Variants in NBPF11 observed in about 807,000 individuals in gnomAD.
The protein encoded by NBPF11 is NBPF member 11.
A neutral mutation model predicts 93.9 loss-of-function variants in NBPF11; 72 were observed. That is an observed-to-expected ratio of 0.77 (90% CI 0.63 to 0.93). The LOEUF is 0.93. NBPF11 is among the 40% of genes least tolerant of loss of function. The pLI, the probability that NBPF11 is intolerant of heterozygous loss-of-function variation, is 0.00. For synonymous variants in NBPF11, 224 were observed against 304.9 expected (o/e 0.73, Z 2.76); for missense variants, 705 against 802.2 (o/e 0.88, Z 1.46).
chr1:148,107,513 T>C (rs1399210049), intron 19 of NBPF11, among the ~76,000 whole-genome samples, 198 bp downstream of exon 19: 3 of 152,380 alleles, frequency 2.0e-5, no homozygotes, highest in Admixed American at 2.0e-4. Context: ...ATGGTCAACC[T>C]ATAGTAAGTT....
At position 148,126,887 on chromosome 1, in the gene NBPF11, T is replaced by C; in HGVS notation, c.117A>G (p.Lys39=). ...CCAGTTGAGTTAGAAAACATCTCTC[T>C]TTGAGGTTTCTGAACTGCTGTTTGT... ...AENKQQFRNL[K]ERCFLTQLAG... The change falls in exon 5 of 24, where the codon AAA becomes AAG. Residue 39 remains lysine, a synonymous_variant. Coordinates refer to ENST00000682118, the MANE Select transcript of NBPF11 (RefSeq NM_001385469.3). 6.9e-7 allele frequency: 1 copy of C among 1,457,610 alleles called. No individual in the cohort carries two copies. Among genetic ancestry groups the C allele is most frequent in the South Asian group, 1.1e-5 (1 of 87,302 alleles). 90.3% of individuals were successfully genotyped at this position (1,457,610 alleles called of 1,614,324 possible).
chr1:148,113,187 G>A (rs1327930906), intron 15 of NBPF11, among the ~76,000 whole-genome samples: 12 of 152,130 alleles, frequency 7.9e-5, no homozygotes, highest in African/African-American at 1.9e-4. Flanking sequence ...ATTGGATAAA[G>A]AGTCAAGACC....
At chr1:148,144,882 C>T (rs1672747848) in intron 1 of NBPF11, among the ~76,000 whole-genome samples, 1 of 151,054 alleles carries the variant, frequency 6.6e-6, no homozygotes, top group Non-Finnish European at 1.5e-5. Flanking sequence ...AGCAAGCAGA[C>T]TACTTGAGCC....
chr1:148,116,659 T>C, intron 12 of NBPF11, 124 bp from the exon 13 acceptor site: 1 of 592,024 alleles, frequency 1.7e-6, no homozygotes, highest in Non-Finnish European at 3.0e-6. Context: ...AAAACTCTCA[T>C]GTTTTATCTT....
intron 10 of NBPF11, among the ~76,000 whole-genome samples, chr1:148,119,450 G>A (rs1177961119): frequency 1.3e-5 from 2 of 151,952 alleles, no homozygotes; most frequent in South Asian, 4.1e-4. Context: ...CCTCTGAACA[G>A]GTGAGGAAAC....
chr1:148,138,064 A>G (rs1463817675), intron 2 of NBPF11, among the ~76,000 whole-genome samples: 5 of 151,176 alleles, frequency 3.3e-5, no homozygotes, highest in African/African-American at 1.2e-4. Flanking sequence ...ACAATAGGAT[A>G]ATAGTGGAGA....
At position 148,106,934 on chromosome 1, in the gene NBPF11, G is replaced by A; in HGVS notation, c.2251+8C>T. 1 of 696,052 alleles carries A rather than the reference G, an allele frequency of 1.4e-6. No individual in the cohort carries two copies. The highest frequency in any genetic ancestry group is 2.6e-6 in the Non-Finnish European group (1 of 387,364). 43.1% of individuals were successfully genotyped at this position (696,052 alleles called of 1,614,324 possible). ...GGAGGCTTATCACCTTCATAGTAAG[G>A]TACTCACTGTCCACGTCAAGAGCCA... On this transcript the variant is annotated splice_region_variant and intron_variant, in intron 20 of 23. Coordinates refer to ENST00000682118, the MANE Select transcript of NBPF11 (RefSeq NM_001385469.3).
Position 148,115,859 on chromosome 1 carries a change from CTT to C in NBPF11, c.1517_1518del (p.Lys506SerfsTer13), listed in dbSNP as rs1666397049. Reference sequence around the variant, plus strand: ...GATGAGCCAATGAGAGTTGAGTCGACTTTGTCTTCCTCAAATGTGATTTTGGT... The same window carrying C: ...GATGAGCCAATGAGAGTTGAGTCGACTGTCTTCCTCAAATGTGATTTTGGT... ...RKTKITFEED[K>X]VDSTLIGSSS... is the part of the protein sequence containing the mutation. On this transcript the variant is annotated frameshift_variant, in exon 14 of 24. Coordinates refer to ENST00000682118, the MANE Select transcript of NBPF11 (RefSeq NM_001385469.3). LOFTEE classifies it high-confidence loss of function. 1 of 1,583,126 alleles carries C rather than the reference CTT, an allele frequency of 6.3e-7. No homozygotes were observed. The highest frequency in any genetic ancestry group is 1.5e-5 in the African/African-American group (1 of 68,658).
chr1:148,115,270 C>G (rs1179190075), intron 14 of NBPF11, among the ~76,000 whole-genome samples: 1 of 148,706 alleles, frequency 6.7e-6, no homozygotes, highest in African/African-American at 2.5e-5. Flanking sequence ...CAGGGTCCAG[C>G]CTTGCTTTAT....
intron 4 of NBPF11, chr1:148,135,090 C>T (rs1339755548): frequency 1.3e-4 from 19 of 147,570 alleles, no homozygotes; most frequent in African/African-American, 4.7e-4. Flanking sequence ...CACTATCTCC[C>T]CTGTAGGCTG....
intron 9 of NBPF11, among the ~76,000 whole-genome samples, chr1:148,121,502 C>T (rs1409386617): frequency 1.3e-5 from 2 of 151,410 alleles, no homozygotes; most frequent in South Asian, 2.1e-4. Flanking sequence ...CGCCCACCAC[C>T]GCGCCCAGCT....
chr1:148,146,441 C>G, intron 1 of NBPF11: 17 of 1,604,216 alleles, frequency 1.1e-5, no homozygotes, highest in Non-Finnish European at 1.1e-5. Flanking sequence ...TTCTGCTGCC[C>G]TCCCTGCCCC....
intron 10 of NBPF11, among the ~76,000 whole-genome samples, chr1:148,119,297 A>T (rs1261913910): frequency 1.3e-5 from 2 of 151,878 alleles, no homozygotes; most frequent in East Asian, 1.9e-4. Context: ...ATGCTAATGA[A>T]GTTTCTGTTA....
rs1169940573 is a variant in NBPF11 at position 148,103,926 on chromosome 1, C to A, written c.2582-14G>T. 17 of 1,610,492 alleles carry A rather than the reference C, an allele frequency of 1.1e-5. No individual in the cohort carries two copies. Among genetic ancestry groups the A allele is most frequent in the African/African-American group, 8.0e-5 (6 of 74,610 alleles). ...ACGCTGCTGAGCCTGGAAAAGGAGACAAAACTAAAGAAGCAGCCAGGGAAA... is the reference window on the plus strand; with the variant it reads ...ACGCTGCTGAGCCTGGAAAAGGAGAAAAAACTAAAGAAGCAGCCAGGGAAA... On this transcript the variant is annotated splice_polypyrimidine_tract_variant and intron_variant, in intron 23 of 23. Transcript: ENST00000682118.
chr1:148,112,349 T>C (rs1196388150), intron 15 of NBPF11, among the ~76,000 whole-genome samples: 1 of 130,004 alleles, frequency 7.7e-6, no homozygotes, highest in Non-Finnish European at 1.6e-5. Context: ...TTCCCCTTCC[T>C]GTGTCCATGT....
rs1449240381 is a variant in NBPF11, at chr1:148,112,085, G to A, written c.1638-1544C>T. 3.0e-5 allele frequency among the ~76,000 whole-genome samples: 4 copies of A among 133,116 alleles called. 1 individual carries two copies. Among genetic ancestry groups the A allele is most frequent in the African/African-American group, 1.4e-4 (4 of 29,440 alleles). 87.3% of individuals were successfully genotyped at this position (133,116 alleles called of 152,430 possible). ...CAAACCCTACAAGCCAGAAGAGAGT[G>A]GGAGCAATATTCAACATTCTTTTTT... On this transcript the variant is annotated intron_variant, in intron 15 of 23. Transcript: ENST00000682118.
At chr1:148,121,647 G>A (rs1365991493) in intron 9 of NBPF11, among the ~76,000 whole-genome samples, 19 of 151,748 alleles carry the variant, frequency 1.3e-4, no homozygotes, top group East Asian at 3.9e-4. Flanking sequence ...GACCCACTGC[G>A]CCCAGCCAAG....
chr1:148,149,948 A>G (rs1647866300), intron 1 of NBPF11, among the ~76,000 whole-genome samples: 1 of 151,868 alleles, frequency 6.6e-6, no homozygotes, highest in African/African-American at 2.4e-5. Flanking sequence ...ACTGACAAGC[A>G]TCAGCAAGGA....
At chr1:148,122,370 C>G in intron 8 of NBPF11, 104 bp from the exon 9 acceptor site, 1 of 1,573,136 alleles carries the variant, frequency 6.4e-7, no homozygotes, top group Non-Finnish European at 8.7e-7. Flanking sequence ...GAGAGTGGTC[C>G]CAGAAAACAA....
Sources: allele counts gnomAD v4.1 joint callset (sites outside exome capture counted in the v4.1 genomes callset), GRCh38; gene constraint gnomAD v4.1.1; transcripts MANE v1.5; gene names NCBI Gene and HGNC (gene_info 2026-07-23, HGNC 2026-07-21).